Variants in MAP2K6 observed in about 807,000 individuals in gnomAD.
MAP2K6 encodes the protein dual specificity mitogen-activated protein kinase kinase 6.
In MAP2K6, 16 loss-of-function variants were observed where a neutral mutation model predicts 53.7. That is an observed-to-expected ratio of 0.30 (90% CI 0.20 to 0.45). The LOEUF is 0.45. MAP2K6 is among the 20% of genes least tolerant of loss of function. MAP2K6 has a pLI of 1.00. For synonymous variants in MAP2K6, 132 were observed against 143.1 expected, an observed-to-expected ratio of 0.92 and a Z score of 0.55; for missense variants, 204 against 411.9, an observed-to-expected ratio of 0.50 and a Z score of 4.37.
chr17:69,537,126 A>G (rs1911402381), intron 11 of MAP2K6, among the ~76,000 whole-genome samples: 1 of 152,124 alleles, frequency 6.6e-6, no homozygotes, highest in Non-Finnish European at 1.5e-5. Context: ...GGTAACTACA[A>G]TTCTAAGCTA....
Position 69,526,668 on chromosome 17 carries a change from A to G in MAP2K6, c.840A>G (p.Ala280=), listed in dbSNP as rs1364350709. 1.9e-6 allele frequency: 3 copies of G among 1,614,102 alleles called. No homozygotes were observed. The highest frequency in any genetic ancestry group is 2.5e-6 in the Non-Finnish European group (3 of 1,180,026). ...AGGAGCCATCGCCACAACTCCCAGC[A>G]GACAAGTTCTCTGCAGAGTTTGTTG... is the stretch of plus-strand genomic sequence containing the variant. ...VVEEPSPQLP[A]DKFSAEFVDF... is the part of the protein sequence containing the mutation. Residue 280 remains alanine (A), a synonymous_variant, in exon 10 of 12, where the codon GCA becomes GCG. Transcript: ENST00000590474.
At chr17:69,484,061 CG>C (rs1908439379) in intron 1 of MAP2K6, among the ~76,000 whole-genome samples, 1 of 151,846 alleles carries the variant, frequency 6.6e-6, no homozygotes, top group African/African-American at 2.4e-5. Context: ...ATAGCAAAAC[CG>C]TAAGCACCTA....
At chr17:69,488,533 G>T (rs759107379) in intron 1 of MAP2K6, among the ~76,000 whole-genome samples, 6 of 152,118 alleles carry the variant, frequency 3.9e-5, no homozygotes, top group African/African-American at 9.7e-5. Context: ...ATGCCCATCA[G>T]TAATAGACTG....
At chr17:69,437,434 G>A (rs115270481) in intron 1 of MAP2K6, among the ~76,000 whole-genome samples, 2,613 of 152,156 alleles carry the variant, frequency 0.017, 75 homozygotes, top group African/African-American at 0.06. Flanking sequence ...GGGGTGGCAG[G>A]GGTGGAGAGG....
chr17:69,524,660 G>A (rs990332420), intron 8 of MAP2K6, among the ~76,000 whole-genome samples: 3 of 152,056 alleles, frequency 2.0e-5, no homozygotes, highest in African/African-American at 7.2e-5. Flanking sequence ...TTTTAAATTT[G>A]TTATGAAAGG....
intron 1 of MAP2K6, among the ~76,000 whole-genome samples, chr17:69,499,840 G>A (rs1267933993): frequency 2.0e-5 from 3 of 152,210 alleles, no homozygotes; most frequent in African/African-American, 4.8e-5. Flanking sequence ...CTATTGTAGA[G>A]AGAGTGGACA....
intron 2 of MAP2K6, among the ~76,000 whole-genome samples, chr17:69,513,791 C>G (rs1298548240): frequency 6.6e-6 from 1 of 152,010 alleles, no homozygotes; most frequent in Non-Finnish European, 1.5e-5. Flanking sequence ...CAGTTGCAGC[C>G]CCAAATAATT....
At chr17:69,450,381 C>T (rs563464291) in intron 1 of MAP2K6, among the ~76,000 whole-genome samples, 4 of 152,172 alleles carry the variant, frequency 2.6e-5, no homozygotes, top group African/African-American at 9.7e-5. Flanking sequence ...CAGTAGCATC[C>T]GAAAAGGTTG....
At chr17:69,511,097 A>G (rs995305842) in intron 2 of MAP2K6, among the ~76,000 whole-genome samples, 5 of 152,136 alleles carry the variant, frequency 3.3e-5, no homozygotes, top group African/African-American at 1.2e-4. Context: ...AAATTTTATG[A>G]ATTTCGGAAG....
intron 7 of MAP2K6, chr17:69,521,581 T>G (rs1910470684): frequency 1.3e-5 from 2 of 152,770 alleles, no homozygotes; most frequent in African/African-American, 4.8e-5. Flanking sequence ...TAATGATTTA[T>G]CTCTTCCTCT....
At chr17:69,489,388 A>G (rs1908662366) in intron 1 of MAP2K6, among the ~76,000 whole-genome samples, 1 of 152,178 alleles carries the variant, frequency 6.6e-6, no homozygotes, top group Non-Finnish European at 1.5e-5. Context: ...TAGAGAATTT[A>G]TATACTTTTT....
intron 9 of MAP2K6, among the ~76,000 whole-genome samples, chr17:69,525,376 C>T (rs953493154): frequency 6.6e-6 from 1 of 152,066 alleles, no homozygotes; most frequent in Non-Finnish European, 1.5e-5. Flanking sequence ...CTGATAGGGC[C>T]GTGTTATCCA....
intron 1 of MAP2K6, among the ~76,000 whole-genome samples, chr17:69,451,220 G>T (rs7223220): frequency 0.073 from 11,071 of 152,218 alleles, 1,348 homozygotes; most frequent in African/African-American, 0.25. Flanking sequence ...TGGGAACTGG[G>T]TATTAAATAG....
intron 1 of MAP2K6, among the ~76,000 whole-genome samples, chr17:69,424,675 C>T (rs1022691500): frequency 6.6e-6 from 1 of 152,160 alleles, no homozygotes; most frequent in Non-Finnish European, 1.5e-5. Flanking sequence ...GAATGAAAAA[C>T]GAGTGTATTC....
intron 9 of MAP2K6, among the ~76,000 whole-genome samples, chr17:69,525,880 C>A (rs528386671): frequency 1.3e-5 from 2 of 152,334 alleles, no homozygotes; most frequent in South Asian, 4.1e-4. Flanking sequence ...TCCTTAGACA[C>A]AGCCCTAAAG....
intron 1 of MAP2K6, among the ~76,000 whole-genome samples, chr17:69,474,526 A>C (rs60420540): frequency 0.035 from 5,390 of 152,302 alleles, 326 homozygotes; most frequent in African/African-American, 0.12. Context: ...ACCCAAAAGC[A>C]CATGCTTTTT....
intron 2 of MAP2K6, among the ~76,000 whole-genome samples, chr17:69,509,190 A>G (rs543801034): frequency 1.3e-5 from 2 of 152,348 alleles, no homozygotes; most frequent in Admixed American, 6.5e-5. Context: ...CTATAGATCA[A>G]TTTAGGGCAA....
chr17:69,464,472 C>T (rs1907730619), intron 1 of MAP2K6, among the ~76,000 whole-genome samples: 1 of 152,178 alleles, frequency 6.6e-6, no homozygotes, highest in Non-Finnish European at 1.5e-5. Context: ...ATCTCCACCT[C>T]CCAGGTTCAC....
intron 1 of MAP2K6, among the ~76,000 whole-genome samples, chr17:69,441,106 A>T (rs373063919): frequency 2.0e-5 from 3 of 152,178 alleles, no homozygotes; most frequent in Admixed American, 1.3e-4. Flanking sequence ...TTATACTTTT[A>T]TGGGGCCACC....
Sources: gnomAD v4.1 joint callset for allele counts (sites outside exome capture counted in the v4.1 genomes callset) on GRCh38, gnomAD v4.1.1 for gene constraint, MANE v1.5 for transcripts, NCBI Gene and HGNC (gene_info 2026-07-23, HGNC 2026-07-21) for gene names.